JPH1: variants seen among roughly 807,000 people sequenced by gnomAD.
JPH1 encodes the protein junctophilin 1, also known as junctophilin-1.
In JPH1, 12 loss-of-function variants were observed where a neutral mutation model predicts 53.6. That is an observed-to-expected ratio of 0.22 (90% CI 0.14 to 0.36). The LOEUF (loss-of-function observed/expected upper bound fraction) is 0.36, where lower values mean the gene tolerates loss of function less well. JPH1 is among the 10% of genes least tolerant of loss of function. The pLI is 1.00. For synonymous variants in JPH1, 375 were observed against 363.8 expected (o/e 1.03, Z -0.35); for missense variants, 808 against 905.5 (o/e 0.89, Z 1.38).
At chr8:74,241,537 C>T (rs185354121) in intron 4 of JPH1, among the ~76,000 whole-genome samples, 108 of 152,166 alleles carry the variant, frequency 7.1e-4, no homozygotes, top group Non-Finnish European at 1.6e-4. Flanking sequence ...GAAAGAAATC[C>T]TAACTCAAAA....
intron 2 of JPH1, among the ~76,000 whole-genome samples, chr8:74,269,806 C>T (rs1328270476): frequency 6.6e-6 from 1 of 152,190 alleles, no homozygotes; most frequent in Non-Finnish European, 1.5e-5. Context: ...TGGGCAGAGC[C>T]CAGGTCTCCT....
At chr8:74,282,623 T>C (rs1249195760) in intron 2 of JPH1, among the ~76,000 whole-genome samples, 3 of 152,030 alleles carry the variant, frequency 2.0e-5, no homozygotes, top group Admixed American at 6.6e-5. Context: ...CTCATAGAAG[T>C]AGAGAGTAAA....
chr8:74,302,620 G>C (rs1163873983), intron 2 of JPH1, among the ~76,000 whole-genome samples: 2 of 152,082 alleles, frequency 1.3e-5, no homozygotes, highest in Non-Finnish European at 2.9e-5. Flanking sequence ...GGCAAGGAGG[G>C]GGACATGGGA....
intron 2 of JPH1, among the ~76,000 whole-genome samples, chr8:74,313,581 T>TA (rs1324996904): frequency 1.3e-5 from 2 of 151,696 alleles, no homozygotes; most frequent in African/African-American, 4.8e-5. Flanking sequence ...CTAGAAGTAC[T>TA]AAGTTGAACC....
At chr8:74,283,933 C>T (rs981634810) in intron 2 of JPH1, among the ~76,000 whole-genome samples, 3 of 151,916 alleles carry the variant, frequency 2.0e-5, no homozygotes, top group African/African-American at 4.8e-5. Context: ...TGGCAAGTAG[C>T]GCTTGGATGG....
chr8:74,303,016 C>A (rs1445456188), intron 2 of JPH1, among the ~76,000 whole-genome samples: 1 of 149,950 alleles, frequency 6.7e-6, no homozygotes, highest in Non-Finnish European at 1.5e-5. Context: ...GTCCCTTGAG[C>A]ACAAACCTTA....
intron 1 of JPH1, among the ~76,000 whole-genome samples, chr8:74,319,723 A>G (rs1462301310): frequency 6.6e-6 from 1 of 152,168 alleles, no homozygotes; most frequent in Non-Finnish European, 1.5e-5. Flanking sequence ...GAAACTTTTA[A>G]TTGCATCCCT....
In JPH1 at chr8:74,311,012, A is replaced by G. The variant is rs147086819; in HGVS notation, c.1139+3849T>C. Reference sequence around the variant, plus strand: ...TCCAGATCTGAAATTGGGGGCCTTCAGTCTTCTCTACCAAGCCATCCTTCC... The same window carrying G: ...TCCAGATCTGAAATTGGGGGCCTTCGGTCTTCTCTACCAAGCCATCCTTCC... On this transcript the variant is annotated intron_variant, in intron 2 of 5. Coordinates refer to ENST00000342232, the MANE Select transcript of JPH1 (RefSeq NM_020647.4). Among the ~76,000 whole-genome samples, 6 of 152,284 alleles carry G rather than the reference A, an allele frequency of 3.9e-5. No homozygotes were observed. The East Asian group carries it at 1.2e-3, about 29-fold the overall frequency.
At chr8:74,279,020 C>T (rs1211144602) in intron 2 of JPH1, among the ~76,000 whole-genome samples, 9 of 152,242 alleles carry the variant, frequency 5.9e-5, no homozygotes, top group Non-Finnish European at 8.8e-5. Flanking sequence ...TACACACACA[C>T]AGCATCATTT....
chr8:74,265,721 T>C (rs1038580732), intron 2 of JPH1, among the ~76,000 whole-genome samples: 2 of 152,220 alleles, frequency 1.3e-5, no homozygotes, highest in Non-Finnish European at 2.9e-5. Flanking sequence ...AAATCATGTA[T>C]CTGATAAGGG....
intron 2 of JPH1, among the ~76,000 whole-genome samples, chr8:74,307,303 A>C (rs1807867322): frequency 1.3e-5 from 2 of 152,228 alleles, no homozygotes; most frequent in South Asian, 4.1e-4. Context: ...TATAGTTTAC[A>C]AAGACCCGTG....
chr8:74,263,929 C>T (rs1458440912), intron 2 of JPH1, among the ~76,000 whole-genome samples: 2 of 152,174 alleles, frequency 1.3e-5, no homozygotes, highest in Admixed American at 6.5e-5. Flanking sequence ...AGAAATCAGT[C>T]TGTTAAGCAA....
intron 2 of JPH1, among the ~76,000 whole-genome samples, chr8:74,309,348 T>C (rs1243866333): frequency 6.6e-6 from 1 of 152,222 alleles, no homozygotes; most frequent in Non-Finnish European, 1.5e-5. Flanking sequence ...CTGCCTGATA[T>C]AACAAAGTCA....
intron 2 of JPH1, among the ~76,000 whole-genome samples, chr8:74,301,021 TG>T (rs1393337899): frequency 6.6e-6 from 1 of 152,214 alleles, no homozygotes; most frequent in Non-Finnish European, 1.5e-5. Flanking sequence ...ATACTGGGAA[TG>T]AATGAACCTT....
At chr8:74,269,615 T>C (rs1806640485) in intron 2 of JPH1, among the ~76,000 whole-genome samples, 1 of 152,260 alleles carries the variant, frequency 6.6e-6, no homozygotes, top group African/African-American at 2.4e-5. Flanking sequence ...TCTTGAAACT[T>C]CTGCTTTAAC....
intron 2 of JPH1, among the ~76,000 whole-genome samples, chr8:74,284,108 C>T (rs1807093639): frequency 6.6e-6 from 1 of 152,122 alleles, no homozygotes; most frequent in African/African-American, 2.4e-5. Flanking sequence ...GGGAAAAAGC[C>T]CTCAGGAGCC....
At chr8:74,284,427 G>A (rs887891246) in intron 2 of JPH1, among the ~76,000 whole-genome samples, 1 of 152,074 alleles carries the variant, frequency 6.6e-6, no homozygotes, top group Non-Finnish European at 1.5e-5. Flanking sequence ...ACGCTGATAA[G>A]GCTCACTTGG....
chr8:74,294,861 T>C (rs1807459042), intron 2 of JPH1, among the ~76,000 whole-genome samples: 1 of 152,244 alleles, frequency 6.6e-6, no homozygotes, highest in African/African-American at 2.4e-5. Context: ...GTCCTCTGAG[T>C]AGCTATTGCT....
chr8:74,267,376 T>C (rs1044277936), intron 2 of JPH1, among the ~76,000 whole-genome samples: 3 of 152,216 alleles, frequency 2.0e-5, no homozygotes, highest in East Asian at 1.9e-4. Context: ...GAACTTCTAA[T>C]AGAGCTGTTC....
Sources: gnomAD v4.1 joint callset for allele counts (sites outside exome capture counted in the v4.1 genomes callset) on GRCh38, gnomAD v4.1.1 for gene constraint, MANE v1.5 for transcripts, NCBI Gene and HGNC (gene_info 2026-07-23, HGNC 2026-07-21) for gene names.